Variants in NOTO observed in about 807,000 individuals in gnomAD.
NOTO encodes the protein homeobox protein notochord.
NOTO carries 19 observed loss-of-function variants against 20.5 expected under a neutral mutation model. The ratio of observed to expected loss-of-function variants is 0.93; its 90% CI spans 0.65 to 1.36. NOTO has a LOEUF of 1.36. NOTO is among the 40% of genes most tolerant of loss of function. The pLI is 0.00. For synonymous variants in NOTO, 150 were observed against 150.2 expected (o/e 1.00, Z 0.01); for missense variants, 369 against 336.2 (o/e 1.10, Z -0.76).
intron 1 of NOTO, among the ~76,000 whole-genome samples, chr2:73,207,797 C>T (rs1229694628): frequency 2.6e-5 from 4 of 152,236 alleles, no homozygotes; most frequent in South Asian, 4.1e-4. Flanking sequence ...TCAAGCGATC[C>T]GCCCCCTTCA....
chr2:73,210,929 A>C lies in NOTO; in HGVS notation c.756A>C (p.Ter252CysextTer7). The stretch of plus-strand genomic sequence containing the variant: ...ATGCCGAGTCAGGAGTGGACGGCTG[A>C]AGACTGGGACAGAGGCCCTAGCCAG... ...SDDAESGVDG[*>C] Residue 252 changes from the stop codon to cysteine (C), a stop_lost, in exon 3 of 3, where the codon TGA becomes TGC. Transcript: ENST00000398468. 6.5e-7 allele frequency: 1 copy of C among 1,550,284 alleles called. No homozygotes were observed. The highest frequency in any genetic ancestry group is 2.0e-5 in the Admixed American group (1 of 50,900).
Position 73,204,275 on chromosome 2 carries a change from C to G in NOTO, c.382+1227C>G, listed in dbSNP as rs945803490. On this transcript the variant is annotated intron_variant, in intron 1 of 2. Transcript: ENST00000398468. ...CCTGGGCAACAGAGTGAGACTCCGT[C>G]TCAAACAAACAAATCAACAAAAAAA... Among the ~76,000 whole-genome samples the G allele has an allele frequency of 2.0e-5, 3 of 152,282 alleles. No homozygotes were observed. The East Asian group carries it at 5.8e-4, about 29-fold the overall frequency.
chr2:73,206,809 T>TTG (rs1401157427), intron 1 of NOTO, among the ~76,000 whole-genome samples: 3 of 149,140 alleles, frequency 2.0e-5, no homozygotes, highest in East Asian at 3.9e-4. Context: ...TTTTTTTTTT[T>TTG]TTTAAGACAG....
chr2:73,210,848 G>C lies in NOTO; in HGVS notation c.675G>C (p.Glu225Asp), dbSNP rs1015558454. The C allele has an allele frequency of 1.9e-6, 3 of 1,551,482 alleles. No homozygotes were observed. The highest frequency in any genetic ancestry group is 2.6e-6 in the Non-Finnish European group (3 of 1,146,900). ...TGAGGGCAGCAGTTACATCTGCCGA[G>C]GCTGCCTCCCTGGATGAGCCTTCCA... ...QKLRAAVTSA[E>D]AASLDEPSSS... The change falls in exon 3 of 3, where the codon GAG becomes GAC. Residue 225 changes from glutamate to aspartate, a missense_variant. Physicochemically the swap from Glu to Asp is conservative, Grantham distance 45. Transcript: ENST00000398468.
chr2:73,210,365 CTCTT>C (rs1303636738), intron 2 of NOTO, among the ~76,000 whole-genome samples: 1 of 146,120 alleles, frequency 6.8e-6, no homozygotes, highest in South Asian at 2.1e-4. Flanking sequence ...GGGCCTCTCT[CTCTT>C]TGAGCCTCAG....
At chr2:73,203,151 G>T in intron 1 of NOTO, 103 bp downstream of exon 1, 6 of 1,025,520 alleles carry the variant, frequency 5.9e-6, no homozygotes, top group South Asian at 2.4e-5. Flanking sequence ...CTGAGTGTGA[G>T]AATCACACAC....
chr2:73,202,661 C>T lies in NOTO; in HGVS notation c.-6C>T, dbSNP rs1381769657. ...TCCTTGCGTCCGTCCGGGCAACGGC[C>T]GCGTCATGCCTAGCCCCAGGCCGCG... On this transcript the variant is annotated 5_prime_UTR_variant, in exon 1 of 3. Transcript: ENST00000398468. 4.8e-6 allele frequency: 7 copies of T among 1,445,458 alleles called. No individual in the cohort carries two copies. Among genetic ancestry groups the T allele is most frequent in the Non-Finnish European group, 6.3e-6 (7 of 1,108,606 alleles). The allele number at this position is 1,445,458 out of a possible 1,614,324, so 89.5% of individuals were successfully genotyped here.
Position 73,202,801 on chromosome 2 carries a change from C to T in NOTO, c.135C>T (p.Phe45=). The change falls in exon 1 of 3, where the codon TTC becomes TTT. Residue 45 remains phenylalanine, a synonymous_variant. Coordinates refer to ENST00000398468, the MANE Select transcript of NOTO (RefSeq NM_001134462.2). ...GPNTPRAPGR[F]ESPFSVEAIL... ...ACACGCCCCGCGCTCCCGGACGCTTCGAGTCCCCTTTCTCGGTCGAGGCCA... is the reference window on the plus strand; with the variant it reads ...ACACGCCCCGCGCTCCCGGACGCTTTGAGTCCCCTTTCTCGGTCGAGGCCA... The T allele has an allele frequency of 6.6e-7, 1 of 1,526,516 alleles. No individual in the cohort carries two copies. Among genetic ancestry groups the T allele is most frequent in the African/African-American group, 1.4e-5 (1 of 70,966 alleles). The allele number at this position is 1,526,516 out of a possible 1,614,324, so 94.6% of individuals were successfully genotyped here.
rs969908382 is a variant in NOTO at position 73,206,787 on chromosome 2, CTT to C, written c.383-1589_383-1588del. On this transcript the variant is annotated intron_variant, in intron 1 of 2. Transcript: ENST00000398468. The stretch of plus-strand genomic sequence containing the variant: ...GGCAGAGCTAGGATTCCAACTAGAG[CTT>C]TTTTTTTTTTTTTTTTTTTTTTTAA... Among the ~76,000 whole-genome samples the C allele has an allele frequency of 8.8e-3, 792 of 89,924 alleles. 15 individuals are homozygous for C. Among genetic ancestry groups the C allele is most frequent in the African/African-American group, 0.034 (710 of 20,712 alleles). The allele number at this position is 89,924 out of a possible 152,430, so 59.0% of individuals were successfully genotyped here.
intron 1 of NOTO, among the ~76,000 whole-genome samples, chr2:73,207,699 CAT>C (rs1558547783): frequency 6.6e-6 from 1 of 152,034 alleles, no homozygotes; most frequent in Non-Finnish European, 1.5e-5. Context: ...GGATTACAGG[CAT>C]GTGCCACCAT....
Position 73,202,604 on chromosome 2 carries a change from T to G in NOTO, c.-63T>G. ...ACAACCGGTCTTGCTCGCTGCCTTTTGCAGAATCTTCTCACTTCTCCCGAG... is the reference window on the plus strand; with the variant it reads ...ACAACCGGTCTTGCTCGCTGCCTTTGGCAGAATCTTCTCACTTCTCCCGAG... On this transcript the variant is annotated 5_prime_UTR_variant, in exon 1 of 3. Coordinates refer to ENST00000398468, the MANE Select transcript of NOTO (RefSeq NM_001134462.2). The G allele has an allele frequency of 7.3e-7, 1 of 1,378,882 alleles. No homozygotes were observed. Among genetic ancestry groups the G allele is most frequent in the Non-Finnish European group, 9.4e-7 (1 of 1,069,160 alleles). 85.4% of individuals were successfully genotyped at this position (1,378,882 alleles called of 1,614,324 possible).
intron 2 of NOTO, among the ~76,000 whole-genome samples, chr2:73,209,843 T>C (rs899439425): frequency 1.3e-5 from 2 of 152,152 alleles, no homozygotes; most frequent in Non-Finnish European, 2.9e-5. Flanking sequence ...AATATGTTCC[T>C]TTCCCATATA....
Position 73,203,918 on chromosome 2 carries a change from G to A in NOTO, c.382+870G>A, listed in dbSNP as rs1379767427. Among the ~76,000 whole-genome samples the A allele has an allele frequency of 2.0e-5, 2 of 99,292 alleles. 1 individual carries two copies. The highest frequency in any genetic ancestry group is 4.1e-5 in the Non-Finnish European group (2 of 48,920). 65.1% of individuals were successfully genotyped at this position (99,292 alleles called of 152,430 possible). A position where few individuals can be genotyped will look rare whatever the true frequency, so the allele number is the denominator to read the frequency against. On this transcript the variant is annotated intron_variant, in intron 1 of 2. Coordinates refer to ENST00000398468, the MANE Select transcript of NOTO (RefSeq NM_001134462.2). ...GATCGAGACCATCCTGGCTAACACG[G>A]TGAAACCCCGTCTCTACTAAAAATA...
intron 1 of NOTO, among the ~76,000 whole-genome samples, chr2:73,207,518 G>A (rs1440224312): frequency 1.3e-5 from 2 of 152,034 alleles, no homozygotes; most frequent in East Asian, 1.9e-4. Flanking sequence ...ATTTATTCCC[G>A]TGGCTTAAAA....
At chr2:73,210,515 G>C (rs1686164184) in intron 2 of NOTO, among the ~76,000 whole-genome samples, 2 of 152,218 alleles carry the variant, frequency 1.3e-5, no homozygotes, top group African/African-American at 4.8e-5. Flanking sequence ...CTCCACGAGG[G>C]CAGGCAGCTT....
intron 1 of NOTO, 116 bp downstream of exon 1, chr2:73,203,164 C>G (rs1173901519): frequency 1.2e-5 from 11 of 920,884 alleles, no homozygotes; most frequent in African/African-American, 8.7e-5. Flanking sequence ...TCACACACGG[C>G]TGGAGTGGGA....
chr2:73,202,655 A>C lies in NOTO; in HGVS notation c.-12A>C. On this transcript the variant is annotated 5_prime_UTR_variant, in exon 1 of 3. Coordinates refer to ENST00000398468, the MANE Select transcript of NOTO (RefSeq NM_001134462.2). ...CTCCCTTCCTTGCGTCCGTCCGGGC[A>C]ACGGCCGCGTCATGCCTAGCCCCAG... 1.4e-6 allele frequency: 2 copies of C among 1,439,868 alleles called. No homozygotes were observed. The highest frequency in any genetic ancestry group is 5.6e-5 in the Admixed American group (2 of 35,626). 89.2% of individuals were successfully genotyped at this position (1,439,868 alleles called of 1,614,324 possible).
chr2:73,210,076 C>T (rs2103697247), intron 2 of NOTO, among the ~76,000 whole-genome samples: 1 of 152,332 alleles, frequency 6.6e-6, no homozygotes, highest in South Asian at 2.1e-4. Context: ...ATGCTTCACA[C>T]AGCAGCTAGG....
In NOTO at chr2:73,202,833, C is replaced by T. The variant is rs1223331867; in HGVS notation, c.167C>T (p.Ala56Val). The T allele has an allele frequency of 2.6e-6, 4 of 1,525,172 alleles. No individual in the cohort carries two copies. The highest frequency in any genetic ancestry group is 5.1e-5 in the East Asian group (2 of 39,312). The allele number at this position is 1,525,172 out of a possible 1,614,324, so 94.5% of individuals were successfully genotyped here. A position where few individuals can be genotyped will look rare whatever the true frequency, so the allele number is the denominator to read the frequency against. ...ESPFSVEAIL[A>V]RPDPCAPAAS... ...CCTTTCTCGGTCGAGGCCATCCTGG[C>T]GAGGCCCGACCCCTGCGCGCCGGCG... is the stretch of plus-strand genomic sequence containing the variant. The change falls in exon 1 of 3, where the codon GCG becomes GTG. Residue 56 changes from alanine (A) to valine (V), a missense_variant. Transcript: ENST00000398468.
Sources: gnomAD v4.1 joint callset for allele counts (sites outside exome capture counted in the v4.1 genomes callset) on GRCh38, gnomAD v4.1.1 for gene constraint, MANE v1.5 for transcripts, NCBI Gene and HGNC (gene_info 2026-07-23, HGNC 2026-07-21) for gene names.